Variants in ATP2B2 observed in about 807,000 individuals in gnomAD.
ATP2B2 encodes the protein ATPase plasma membrane Ca2+ transporting 2.
In ATP2B2, 15 loss-of-function variants were observed where a neutral mutation model predicts 120.0. That is an observed-to-expected ratio of 0.12 (90% CI 0.08 to 0.19). ATP2B2 has a LOEUF of 0.19. ATP2B2 is among the 10% of genes least tolerant of loss of function. ATP2B2 has a pLI of 1.00. For synonymous variants in ATP2B2, 694 were observed against 700.3 expected, an observed-to-expected ratio of 0.99 and a Z score of 0.14; for missense variants, 1,045 against 1,719.8, an observed-to-expected ratio of 0.61 and a Z score of 6.94.
chr3:10,369,963 C>G (rs2061177681), intron 12 of ATP2B2, among the ~76,000 whole-genome samples: 1 of 152,146 alleles, frequency 6.6e-6, no homozygotes, highest in African/African-American at 2.4e-5. Flanking sequence ...TGCCAGGGTT[C>G]CAGGCACAGA....
At chr3:10,484,387 A>G (rs1299193600) in intron 1 of ATP2B2, among the ~76,000 whole-genome samples, 2 of 152,058 alleles carry the variant, frequency 1.3e-5, no homozygotes, top group Non-Finnish European at 2.9e-5. Context: ...TAGAAGGGAC[A>G]GGCTGAGGGG....
At chr3:10,410,175 T>TG (rs2062559293) in intron 3 of ATP2B2, among the ~76,000 whole-genome samples, 1 of 152,300 alleles carries the variant, frequency 6.6e-6, no homozygotes. Context: ...CATAGGTTTT[T>TG]GGGGAACAGG....
chr3:10,543,270 T>C (rs756389095), intron 2 of ATP2B2, among the ~76,000 whole-genome samples: 27 of 152,228 alleles, frequency 1.8e-4, no homozygotes, highest in Admixed American at 9.2e-4. Context: ...AGCCACCCAG[T>C]CTGTGGTATT....
chr3:10,588,798 T>C (rs2068575417), intron 2 of ATP2B2, among the ~76,000 whole-genome samples: 2 of 152,258 alleles, frequency 1.3e-5, no homozygotes, highest in South Asian at 4.1e-4. Context: ...GAAGAAAGTG[T>C]GGCTCAGAGA....
At chr3:10,349,717 C>T (rs1015995809) in intron 16 of ATP2B2, among the ~76,000 whole-genome samples, 1 of 152,014 alleles carries the variant, frequency 6.6e-6, no homozygotes, top group African/African-American at 2.4e-5. Flanking sequence ...TATCAGACAA[C>T]AAGCAGCAGT....
intron 5 of ATP2B2, among the ~76,000 whole-genome samples, chr3:10,396,896 G>T (rs2062055789): frequency 6.6e-6 from 1 of 152,162 alleles, no homozygotes; most frequent in African/African-American, 2.4e-5. Context: ...AGTAGAGTTG[G>T]GATTGGAACC....
intron 1 of ATP2B2, among the ~76,000 whole-genome samples, chr3:10,478,000 C>A (rs1171694238): frequency 1.3e-5 from 2 of 152,210 alleles, no homozygotes; most frequent in Non-Finnish European, 2.9e-5. Context: ...TACAGTCCTA[C>A]TAGAATGCAA....
intron 1 of ATP2B2, among the ~76,000 whole-genome samples, chr3:10,706,318 A>G (rs541384834): frequency 6.6e-6 from 1 of 152,324 alleles, no homozygotes; most frequent in South Asian, 2.1e-4. Context: ...AGGAGGACTG[A>G]AGATGATGCT....
chr3:10,440,379 A>T (rs1364444213), intron 2 of ATP2B2, among the ~76,000 whole-genome samples: 1 of 152,196 alleles, frequency 6.6e-6, no homozygotes, highest in African/African-American at 2.4e-5. Context: ...ACTCACAGGG[A>T]CATAAACACT....
intron 8 of ATP2B2, among the ~76,000 whole-genome samples, chr3:10,381,288 T>C (rs2061523586): frequency 6.6e-6 from 1 of 152,238 alleles, no homozygotes; most frequent in African/African-American, 2.4e-5. Context: ...AGAAAAAAGC[T>C]TTTTAGAGTA....
At chr3:10,500,380 C>G (rs9861070) in intron 1 of ATP2B2, among the ~76,000 whole-genome samples, 107,950 of 151,944 alleles carry the variant, frequency 0.71, 39,920 homozygotes, top group African/African-American at 0.92. Context: ...GTGGGTTGAA[C>G]GGTGTCCTAT....
intron 2 of ATP2B2, among the ~76,000 whole-genome samples, chr3:10,583,480 C>G (rs1164107455): frequency 6.6e-6 from 1 of 152,144 alleles, no homozygotes; most frequent in Non-Finnish European, 1.5e-5. Context: ...GGTATAGATC[C>G]TTTACCTGGG....
intron 3 of ATP2B2, among the ~76,000 whole-genome samples, chr3:10,531,670 C>T (rs1218925333): frequency 2.6e-5 from 4 of 152,164 alleles, no homozygotes; most frequent in Non-Finnish European, 4.4e-5. Flanking sequence ...GCAATCCAGG[C>T]GTTGGACTTA....
intron 2 of ATP2B2, among the ~76,000 whole-genome samples, chr3:10,540,968 G>T (rs1405700539): frequency 3.3e-5 from 5 of 151,734 alleles, no homozygotes; most frequent in African/African-American, 1.2e-4. Context: ...TAAATTATCT[G>T]TTTCATATTG....
At chr3:10,394,463 C>T (rs2061962876) in intron 5 of ATP2B2, 1 of 471,130 alleles carries the variant, frequency 2.1e-6, no homozygotes, top group Admixed American at 2.3e-5. Context: ...GGTCACACAG[C>T]TGTGAGTGGT....
intron 12 of ATP2B2, among the ~76,000 whole-genome samples, chr3:10,362,048 T>C (rs2125458923): frequency 6.6e-6 from 1 of 152,288 alleles, no homozygotes; most frequent in African/African-American, 2.4e-5. Context: ...CTTAATAACA[T>C]TGAGACAGGT....
At chr3:10,501,689 T>C (rs1479054088) in intron 1 of ATP2B2, among the ~76,000 whole-genome samples, 1 of 152,116 alleles carries the variant, frequency 6.6e-6, no homozygotes, top group African/African-American at 2.4e-5. Flanking sequence ...AGCCAGGGGC[T>C]AGGGGTTGGT....
chr3:10,460,804 G>A (rs574753573), intron 1 of ATP2B2, among the ~76,000 whole-genome samples: 37 of 152,280 alleles, frequency 2.4e-4, no homozygotes, highest in Admixed American at 1.6e-3. Context: ...TGTACTGTGC[G>A]TGGTCCTTTC....
intron 1 of ATP2B2, among the ~76,000 whole-genome samples, chr3:10,642,080 A>G (rs2070189377): frequency 6.6e-6 from 1 of 151,956 alleles, no homozygotes; most frequent in Admixed American, 6.6e-5. Flanking sequence ...CCCTCCACCC[A>G]TCCCTTACTA....
Sources: gnomAD v4.1 joint callset for allele counts (sites outside exome capture counted in the v4.1 genomes callset) on GRCh38, gnomAD v4.1.1 for gene constraint, MANE v1.5 for transcripts, NCBI Gene and HGNC (gene_info 2026-07-23, HGNC 2026-07-21) for gene names.